Variants in DLG2 observed in about 807,000 individuals in gnomAD.
The protein encoded by DLG2 is discs large MAGUK scaffold protein 2.
Under a neutral mutation model 132.5 loss-of-function variants are expected in DLG2, and 45 were observed. The observed-to-expected ratio is 0.34, with a 90% CI of 0.27 to 0.44. The LOEUF (loss-of-function observed/expected upper bound fraction) is 0.44. DLG2 is among the 20% of genes least tolerant of loss of function. The pLI, the probability that DLG2 is intolerant of heterozygous loss-of-function variation, is 1.00. For missense variants in DLG2, 1,045 were observed against 1,196.9 expected (o/e 0.87, Z 1.87); for synonymous variants, 424 against 419.6 (o/e 1.01, Z -0.13).
intron 17 of DLG2, among the ~76,000 whole-genome samples, chr11:83,792,602 T>C (rs753897134): frequency 1.4e-4 from 22 of 152,108 alleles, no homozygotes; most frequent in African/African-American, 5.1e-4. Flanking sequence ...TAAGATCATG[T>C]TCTACACCTT....
At chr11:83,743,281 T>A (rs533457213) in intron 18 of DLG2, among the ~76,000 whole-genome samples, 14 of 152,224 alleles carry the variant, frequency 9.2e-5, no homozygotes, top group African/African-American at 3.4e-4. Flanking sequence ...AACCCCTGCA[T>A]CTAAGAGGTC....
chr11:84,260,292 C>T (rs1168323981), intron 7 of DLG2, among the ~76,000 whole-genome samples: 1 of 151,998 alleles, frequency 6.6e-6, no homozygotes, highest in Non-Finnish European at 1.5e-5. Context: ...ATTTTCTTCA[C>T]TTTATAAGTT....
intron 16 of DLG2, among the ~76,000 whole-genome samples, chr11:83,870,312 G>A (rs1565424600): frequency 1.3e-5 from 2 of 152,126 alleles, no homozygotes; most frequent in Non-Finnish European, 2.9e-5. Context: ...AGTCTCCAAT[G>A]TCCATGTGTA....
intron 5 of DLG2, among the ~76,000 whole-genome samples, chr11:85,146,222 TTCTCCCTCTC>T (rs1389402698): frequency 1.3e-3 from 118 of 94,186 alleles, no homozygotes; most frequent in African/African-American, 4.8e-3. Flanking sequence ...GTATGTCTGT[TTCTCCCTCTC>T]TCTCTCTCTC....
At chr11:83,794,262 C>G (rs1409710118) in intron 17 of DLG2, among the ~76,000 whole-genome samples, 1 of 152,100 alleles carries the variant, frequency 6.6e-6, no homozygotes, top group Non-Finnish European at 1.5e-5. Context: ...CAAACATGTT[C>G]TTCTCCAGTC....
At chr11:84,843,224 C>G (rs1199117804) in intron 6 of DLG2, among the ~76,000 whole-genome samples, 3 of 151,456 alleles carry the variant, frequency 2.0e-5, no homozygotes, top group Admixed American at 2.0e-4. Context: ...TAGATTCAAA[C>G]CCTTAAATTG....
At position 84,220,759 on chromosome 11, in the gene DLG2, C is replaced by T. The variant is rs904004584; in HGVS notation, c.573+30479G>A. Among the ~76,000 whole-genome samples the T allele has an allele frequency of 1.9e-4, 25 of 133,420 alleles. 1 individual carries two copies. The highest frequency in any genetic ancestry group is 6.5e-5 in the Non-Finnish European group (4 of 61,980). The allele number at this position is 133,420 out of a possible 152,430, so 87.5% of individuals were successfully genotyped here. A position where few individuals can be genotyped will look rare whatever the true frequency, so the allele number is the denominator to read the frequency against. ...ATAAGAGCTTAAAAAGTGTCACGTG[C>T]TTTTTTTTTCTTTTTCTTTTCTTTT... On this transcript the variant is annotated intron_variant, in intron 8 of 27. Transcript: ENST00000376104.
chr11:84,158,064 T>G (rs930729142), intron 9 of DLG2, among the ~76,000 whole-genome samples: 2 of 149,876 alleles, frequency 1.3e-5, no homozygotes, highest in Admixed American at 6.6e-5. Flanking sequence ...TGTGTTTTGT[T>G]TTTTTGGTTT....
chr11:84,468,686 C>T (rs1847017458), intron 7 of DLG2, among the ~76,000 whole-genome samples: 1 of 151,474 alleles, frequency 6.6e-6, no homozygotes, highest in South Asian at 2.1e-4. Flanking sequence ...TTCTTTAAAG[C>T]ACCATGTTTC....
At chr11:83,687,263 G>T (rs2079966204) in intron 18 of DLG2, among the ~76,000 whole-genome samples, 1 of 152,208 alleles carries the variant, frequency 6.6e-6, no homozygotes, top group South Asian at 2.1e-4. Context: ...TAGGAAATGA[G>T]TATAGTCAGT....
intron 6 of DLG2, among the ~76,000 whole-genome samples, chr11:85,096,392 G>C (rs961892615): frequency 6.6e-6 from 1 of 150,532 alleles, no homozygotes; most frequent in East Asian, 2.0e-4. Flanking sequence ...CGAACCCACC[G>C]GGAGGAACAA....
chr11:84,468,527 C>T (rs2154488744), intron 7 of DLG2, among the ~76,000 whole-genome samples: 1 of 151,656 alleles, frequency 6.6e-6, no homozygotes, highest in East Asian at 2.0e-4. Flanking sequence ...ATACCACATT[C>T]TTATATCTTT....
intron 7 of DLG2, among the ~76,000 whole-genome samples, chr11:84,269,340 T>A (rs769664367): frequency 5.3e-5 from 8 of 152,158 alleles, no homozygotes; most frequent in Non-Finnish European, 8.8e-5. Flanking sequence ...CATGGAAAAA[T>A]AGACTGTGTT....
At chr11:84,579,560 AC>A (rs2099511538) in intron 6 of DLG2, among the ~76,000 whole-genome samples, 2 of 152,182 alleles carry the variant, frequency 1.3e-5, no homozygotes, top group African/African-American at 4.8e-5. Flanking sequence ...AGAAAGAATG[AC>A]CCGTGTGAGG....
chr11:84,217,822 C>G (rs551516410), intron 8 of DLG2, among the ~76,000 whole-genome samples: 1 of 152,130 alleles, frequency 6.6e-6, no homozygotes, highest in Non-Finnish European at 1.5e-5. Context: ...CAGACTATGG[C>G]AGAGGTTGCT....
intron 15 of DLG2, among the ~76,000 whole-genome samples, chr11:83,893,662 T>C (rs2070689508): frequency 6.6e-6 from 1 of 152,252 alleles, no homozygotes; most frequent in African/African-American, 2.4e-5. Flanking sequence ...GGTTCAATTT[T>C]GTATTTGTTG....
intron 8 of DLG2, among the ~76,000 whole-genome samples, chr11:84,207,171 C>T (rs2096681144): frequency 6.6e-6 from 1 of 150,998 alleles, no homozygotes; most frequent in Non-Finnish European, 1.5e-5. Flanking sequence ...GAAAAATATA[C>T]CACGCTTATG....
At chr11:84,493,706 G>A (rs1015393674) in intron 7 of DLG2, among the ~76,000 whole-genome samples, 1 of 152,044 alleles carries the variant, frequency 6.6e-6, no homozygotes, top group Non-Finnish European at 1.5e-5. Context: ...AGGATGTGAT[G>A]GGGCTTTCAA....
intron 4 of DLG2, among the ~76,000 whole-genome samples, chr11:85,258,235 T>G: frequency 6.6e-6 from 1 of 152,218 alleles, no homozygotes. Context: ...TTATTTTGAC[T>G]GGCTTATTCA....
Sources: allele counts gnomAD v4.1 joint callset (sites outside exome capture counted in the v4.1 genomes callset), GRCh38; gene constraint gnomAD v4.1.1; transcripts MANE v1.5; gene names NCBI Gene and HGNC (gene_info 2026-07-23, HGNC 2026-07-21).